OVCH1: variants seen among roughly 807,000 people sequenced by gnomAD.
The protein encoded by OVCH1 is ovochymase-1.
A neutral mutation model predicts 138.4 loss-of-function variants in OVCH1; 139 were observed. That is an observed-to-expected ratio of 1.00 (90% CI 0.87 to 1.16). The LOEUF is 1.16. Among genes scored for constraint, OVCH1 ranks in the 50% most tolerant of loss-of-function variants. OVCH1 has a pLI of 0.00. For missense variants in OVCH1, 1,367 were observed against 1,357.9 expected (o/e 1.01, Z -0.11); for synonymous variants, 453 against 467.8 (o/e 0.97, Z 0.41).
chr12:29,471,067 T>G (rs1336816497), intron 16 of OVCH1, among the ~76,000 whole-genome samples: 1 of 152,098 alleles, frequency 6.6e-6, no homozygotes, highest in Non-Finnish European at 1.5e-5. Flanking sequence ...ATGGGGTTGT[T>G]AGTTTTTTTC....
chr12:29,455,114 T>C (rs1393365860), intron 20 of OVCH1, 135 bp downstream of exon 20: 1 of 1,198,192 alleles, frequency 8.3e-7, no homozygotes. Context: ...ATCTTGCATT[T>C]TAGTGTGTTT....
At position 29,454,953 on chromosome 12, in the gene OVCH1, G is replaced by A; in HGVS notation, c.2438-20C>T. The A allele has an allele frequency of 6.4e-7, 1 of 1,572,104 alleles. No individual in the cohort carries two copies. The highest frequency in any genetic ancestry group is 8.7e-7 in the Non-Finnish European group (1 of 1,146,452). On this transcript the variant is annotated intron_variant, in intron 20 of 27. Coordinates refer to ENST00000318184, the Ensembl canonical transcript of OVCH1. The stretch of plus-strand genomic sequence containing the variant: ...CAGGACCTGTATTTGGGGAGAACAT[G>A]TTAAAAATAAAGATGAAAGCCTGAG...
chr12:29,465,192 A>T (rs769797923), exon 17 of OVCH1: 3 of 1,604,922 alleles, frequency 1.9e-6, no homozygotes, highest in Non-Finnish European at 2.6e-6. Flanking sequence ...CCCCAGCAAT[A>T]ATAGTCCAGG....
At chr12:29,427,578 C>G in exon 28 of OVCH1, 2 of 1,551,442 alleles carry the variant, frequency 1.3e-6, no homozygotes. Flanking sequence ...TGCCTAAGAA[C>G]CAGAAAGTGA....
intron 19 of OVCH1, among the ~76,000 whole-genome samples, chr12:29,461,082 A>G (rs1257385787): frequency 6.6e-6 from 1 of 152,088 alleles, no homozygotes; most frequent in Non-Finnish European, 1.5e-5. Flanking sequence ...TGGTGGGGAA[A>G]ACTATCAAAG....
At chr12:29,476,280 G>T (rs754745678) in exon 13 of OVCH1, 2 of 1,613,042 alleles carry the variant, frequency 1.2e-6, no homozygotes, top group South Asian at 2.2e-5. Flanking sequence ...AAATTTGACA[G>T]CAAAGTCCTC....
rs1941789050 is a variant in OVCH1 at position 29,451,337 on chromosome 12, A to AG, written c.2755+7dup. On this transcript the variant is annotated splice_region_variant and intron_variant, in intron 22 of 27. Coordinates refer to ENST00000318184, the Ensembl canonical transcript of OVCH1. ...CTAGCACGAAGTTTATATGCCAGGA[A>AG]GGATTACCTGCCGTCTTTCTCTTAC... 1 of 1,607,262 alleles carries AG rather than the reference A, an allele frequency of 6.2e-7. No individual in the cohort carries two copies. The highest frequency in any genetic ancestry group is 8.5e-7 in the Non-Finnish European group (1 of 1,175,522).
At chr12:29,472,472 C>T (rs1324759692) in intron 15 of OVCH1, among the ~76,000 whole-genome samples, 2 of 152,292 alleles carry the variant, frequency 1.3e-5, no homozygotes, top group Non-Finnish European at 2.9e-5. Context: ...ATGCTGTTCT[C>T]TTATCAGGAA....
intron 19 of OVCH1, among the ~76,000 whole-genome samples, chr12:29,457,825 A>G (rs1942004978): frequency 6.6e-6 from 1 of 152,226 alleles, no homozygotes; most frequent in Non-Finnish European, 1.5e-5. Context: ...CTCAGAGTGA[A>G]TAGTAAAGAA....
intron 3 of OVCH1, among the ~76,000 whole-genome samples, 169 bp from the exon 4 acceptor site, chr12:29,495,626 T>G (rs186849121): frequency 6.6e-6 from 1 of 152,218 alleles, no homozygotes; most frequent in African/African-American, 2.4e-5. Context: ...TTTTTTAATC[T>G]AGAAAAAATC....
exon 4 of OVCH1, chr12:29,495,349 G>A (rs748387535): frequency 4.3e-6 from 7 of 1,613,194 alleles, no homozygotes; most frequent in East Asian, 2.2e-5. Context: ...CACGGCTGTT[G>A]TATTCAGGAT....
chr12:29,472,130 A>C, intron 15 of OVCH1, 148 bp from the exon 16 acceptor site: 1 of 954,126 alleles, frequency 1.0e-6, no homozygotes, highest in Non-Finnish European at 1.5e-6. Context: ...CCTCTGAAAA[A>C]TCTGATTTTA....
chr12:29,402,455 A>C, the OVCH1 span, among the ~76,000 whole-genome samples: 9 of 152,152 alleles, frequency 5.9e-5, no homozygotes, highest in African/African-American at 2.2e-4. Context: ...AGGTTGAGAG[A>C]AAAAGAGAGG....
exon 7 of OVCH1, chr12:29,487,812 C>G (rs367949266): frequency 3.1e-6 from 5 of 1,607,424 alleles, no homozygotes; most frequent in Non-Finnish European, 4.3e-6. Flanking sequence ...ACCAGCTACC[C>G]AGGAAGTTAT....
intron 27 of OVCH1, among the ~76,000 whole-genome samples, chr12:29,430,439 G>A (rs1224161110): frequency 6.6e-6 from 1 of 152,156 alleles, no homozygotes; most frequent in Non-Finnish European, 1.5e-5. Flanking sequence ...GTGGGGGCAG[G>A]GCTAAGTGTG....
At chr12:29,430,803 A>G in intron 27 of OVCH1, 1 of 463,646 alleles carries the variant, frequency 2.2e-6, no homozygotes, top group Non-Finnish European at 4.3e-6. Flanking sequence ...CACCAGATTA[A>G]CACCCTCCCT....
In OVCH1 at chr12:29,475,731, T is replaced by G. The variant is rs566922191; in HGVS notation, c.1471+475A>C. ...CAGATACTAGGTCCTGAAAAAGTGG[T>G]TAGAGGGCTGGAAGTTAAATCTTCA... On this transcript the variant is annotated intron_variant, in intron 13 of 27. Coordinates refer to ENST00000318184, the Ensembl canonical transcript of OVCH1. 1.4e-4 allele frequency among the ~76,000 whole-genome samples: 22 copies of G among 152,276 alleles called. 1 individual carries two copies. In the South Asian group the frequency reaches 4.4e-3, roughly 30 times the overall value.
At chr12:29,475,450 T>C (rs1224919794) in intron 13 of OVCH1, among the ~76,000 whole-genome samples, 2 of 151,388 alleles carry the variant, frequency 1.3e-5, no homozygotes, top group Non-Finnish European at 2.9e-5. Flanking sequence ...TATTACTTTG[T>C]AGACAATAAG....
intron 22 of OVCH1, 108 bp from the exon 23 acceptor site, chr12:29,445,511 C>A: frequency 8.9e-7 from 1 of 1,120,790 alleles, no homozygotes. Flanking sequence ...GAATTGATTC[C>A]ATTCTGTAAA....
Sources: gnomAD v4.1 joint callset for allele counts (sites outside exome capture counted in the v4.1 genomes callset) on GRCh38, gnomAD v4.1.1 for gene constraint, MANE v1.5 for transcripts, NCBI Gene and HGNC (gene_info 2026-07-23, HGNC 2026-07-21) for gene names.